The following CERK variants were observed in gnomAD, a reference collection of about 807,000 sequenced individuals.
The protein encoded by CERK is acylsphingosine kinase.
CERK carries 39 observed loss-of-function variants against 63.4 expected under a neutral mutation model. That is an observed-to-expected ratio of 0.61 (90% CI 0.48 to 0.80). The LOEUF (loss-of-function observed/expected upper bound fraction) is 0.80, where lower values mean the gene tolerates loss of function less well. Ranked by LOEUF, CERK falls within the 30% of genes least tolerant of loss-of-function variation. The pLI, the probability that CERK is intolerant of heterozygous loss-of-function variation, is 0.00. For synonymous variants in CERK, 302 were observed against 280.0 expected, an observed-to-expected ratio of 1.08 and a Z score of -0.78; for missense variants, 670 against 714.1, an observed-to-expected ratio of 0.94 and a Z score of 0.70.
chr22:46,713,740 G>T (rs1226980062), intron 3 of CERK, among the ~76,000 whole-genome samples: 1 of 152,150 alleles, frequency 6.6e-6, no homozygotes, highest in South Asian at 2.1e-4. Context: ...GAGACTGGAG[G>T]CTTCCACCCA....
intron 12 of CERK, among the ~76,000 whole-genome samples, chr22:46,688,655 T>C (rs2082715195): frequency 1.3e-5 from 2 of 152,332 alleles, no homozygotes; most frequent in Admixed American, 1.3e-4. Context: ...TGGGGCGCTG[T>C]CCACAGAGAT....
At chr22:46,704,429 G>A (rs773555748) in intron 6 of CERK, among the ~76,000 whole-genome samples, 6 of 152,168 alleles carry the variant, frequency 3.9e-5, no homozygotes, top group Non-Finnish European at 7.3e-5. Flanking sequence ...AATCCAGAAC[G>A]CACCACATAC....
At chr22:46,704,152 G>T (rs946381992) in intron 6 of CERK, among the ~76,000 whole-genome samples, 7 of 152,198 alleles carry the variant, frequency 4.6e-5, no homozygotes, top group Non-Finnish European at 8.8e-5. Flanking sequence ...CTAGAGGAGG[G>T]CAGGGCACAC....
intron 3 of CERK, among the ~76,000 whole-genome samples, chr22:46,713,730 G>C (rs1210797664): frequency 1.3e-5 from 2 of 152,156 alleles, no homozygotes; most frequent in African/African-American, 4.8e-5. Flanking sequence ...AGTATGCAGA[G>C]AGACTGGAGG....
chr22:46,712,065 C>G, intron 4 of CERK, 103 bp downstream of exon 4: 1 of 1,334,362 alleles, frequency 7.5e-7, no homozygotes, highest in Non-Finnish European at 1.0e-6. Flanking sequence ...CCAGCCTGGG[C>G]AACAGAGTGA....
chr22:46,709,011 CACTCAGGCCACCTGCTTT>C (rs1375599392), intron 5 of CERK, among the ~76,000 whole-genome samples: 11 of 152,200 alleles, frequency 7.2e-5, no homozygotes, highest in Non-Finnish European at 1.3e-4. Context: ...CACCACCCAC[CACTCAGGCCACCTGCTTT>C]GGGCCCGGCT....
chr22:46,723,945 G>A (rs907045945), intron 1 of CERK, among the ~76,000 whole-genome samples: 4 of 152,020 alleles, frequency 2.6e-5, no homozygotes, highest in African/African-American at 7.2e-5. Context: ...TGATCTGCCC[G>A]CCTCGGCCTC....
At chr22:46,704,091 T>G (rs2082801893) in intron 6 of CERK, among the ~76,000 whole-genome samples, 1 of 152,232 alleles carries the variant, frequency 6.6e-6, no homozygotes, top group South Asian at 2.1e-4. Context: ...TATGCCCACA[T>G]TTGGTGGGGT....
chr22:46,716,988 A>G (rs1174568143), intron 3 of CERK, among the ~76,000 whole-genome samples: 5 of 152,132 alleles, frequency 3.3e-5, no homozygotes, highest in Non-Finnish European at 5.9e-5. Context: ...AGAGAAAGAT[A>G]ACAACCAAAC....
intron 1 of CERK, among the ~76,000 whole-genome samples, chr22:46,729,338 A>G (rs1291606271): frequency 2.6e-5 from 4 of 152,116 alleles, no homozygotes; most frequent in African/African-American, 9.7e-5. Flanking sequence ...CAGCCTGGGA[A>G]ACAGTGAGAC....
At chr22:46,718,370 A>T (rs566928595) in intron 3 of CERK, among the ~76,000 whole-genome samples, 1 of 152,272 alleles carries the variant, frequency 6.6e-6, no homozygotes, top group South Asian at 2.1e-4. Flanking sequence ...AGCAGGACGG[A>T]CGGAAAGGGG....
At chr22:46,703,450 C>T (rs971431268) in intron 6 of CERK, among the ~76,000 whole-genome samples, 1 of 152,174 alleles carries the variant, frequency 6.6e-6, no homozygotes, top group Non-Finnish European at 1.5e-5. Flanking sequence ...CCTGCTGCCA[C>T]CACCGGCCGT....
In CERK at chr22:46,738,189, A is replaced by G; in HGVS notation, c.-41T>C. On this transcript the variant is annotated 5_prime_UTR_variant, in exon 1 of 13. Transcript: ENST00000216264. The stretch of plus-strand genomic sequence containing the variant: ...CGTCCGCCAGGCTGGGGGCGCGCGG[A>G]CGCCGAGGGGCGCCGGACCGTTAGC... 11 of 1,106,548 alleles carry G rather than the reference A, an allele frequency of 9.9e-6. No individual in the cohort carries two copies. Among genetic ancestry groups the G allele is most frequent in the Non-Finnish European group, 1.2e-5 (11 of 909,116 alleles). The allele number at this position is 1,106,548 out of a possible 1,614,324, so 68.5% of individuals were successfully genotyped here. A position where few individuals can be genotyped will look rare whatever the true frequency, so the allele number is the denominator to read the frequency against.
At chr22:46,707,553 C>T (rs760270754) in intron 6 of CERK, among the ~76,000 whole-genome samples, 7 of 152,342 alleles carry the variant, frequency 4.6e-5, no homozygotes, top group East Asian at 1.9e-4. Flanking sequence ...CACCTGCTCC[C>T]GGGCACCGGG....
At chr22:46,701,778 G>T in intron 6 of CERK, 68 bp from the exon 7 acceptor site, 1 of 1,160,428 alleles carries the variant, frequency 8.6e-7, no homozygotes, top group Non-Finnish European at 1.3e-6. Flanking sequence ...TCCCAATTCA[G>T]TGAGTGGTAC....
chr22:46,705,383 C>T (rs570730058), intron 6 of CERK, among the ~76,000 whole-genome samples: 14 of 152,288 alleles, frequency 9.2e-5, no homozygotes, highest in South Asian at 4.2e-4. Flanking sequence ...TTCAAAGAAT[C>T]GGAACGGGCT....
chr22:46,698,737 CAA>C (rs11318333), intron 8 of CERK, among the ~76,000 whole-genome samples: 95 of 143,690 alleles, frequency 6.6e-4, no homozygotes, highest in Middle Eastern at 3.6e-3. Context: ...CAAAAATATA[CAA>C]AAAAAAAAAA....
intron 8 of CERK, among the ~76,000 whole-genome samples, chr22:46,696,236 C>T (rs2082755556): frequency 6.6e-6 from 1 of 152,236 alleles, no homozygotes; most frequent in African/African-American, 2.4e-5. Context: ...GTCCCTAGGA[C>T]AGCCCCGTCT....
chr22:46,687,752 C>A (rs1242604576), intron 12 of CERK, among the ~76,000 whole-genome samples: 2 of 152,230 alleles, frequency 1.3e-5, no homozygotes, highest in Non-Finnish European at 2.9e-5. Flanking sequence ...AGTTGGGGGT[C>A]CCTGGAGGTC....
Sources: allele counts gnomAD v4.1 joint callset (sites outside exome capture counted in the v4.1 genomes callset), GRCh38; gene constraint gnomAD v4.1.1; transcripts MANE v1.5; gene names NCBI Gene and HGNC (gene_info 2026-07-23, HGNC 2026-07-21).